Variants in SMARCD1 observed in about 807,000 individuals in gnomAD.
SMARCD1 encodes the protein SWI/SNF related BAF chromatin remodeling complex subunit D1, also known as SWI/SNF-related matrix-associated actin-dependent regulator of chromatin subfamily D member 1.
SMARCD1 carries 16 observed loss-of-function variants against 70.8 expected under a neutral mutation model. The ratio of observed to expected loss-of-function variants is 0.23; its 90% CI spans 0.15 to 0.34. SMARCD1 has a LOEUF of 0.34. Among genes scored for constraint, SMARCD1 ranks in the 10% least tolerant of loss-of-function variants. The probability of loss-of-function intolerance (pLI) is 1.00; values close to 1 mark genes in which losing one functional copy is unlikely to be tolerated. For synonymous variants in SMARCD1, 249 were observed against 246.0 expected, an observed-to-expected ratio of 1.01 and a Z score of -0.11; for missense variants, 409 against 655.5, an observed-to-expected ratio of 0.62 and a Z score of 4.11.
In SMARCD1 at chr12:50,100,312, C is replaced by T. The variant is rs1950928904; in HGVS notation, c.*1312C>T. ...TCTAAACCCACAGAACTGACAAAGC[C>T]CCTGCTTCCCCACCCCCTCCTCAGG... On this transcript the variant is annotated 3_prime_UTR_variant, in exon 13 of 13. Transcript: ENST00000394963. 6.6e-6 allele frequency: 1 copy of T among 152,626 alleles called. No homozygotes were observed. The highest frequency in any genetic ancestry group is 6.5e-5 in the Admixed American group (1 of 15,274). The allele number at this position is 152,626 out of a possible 1,614,324, so 9.5% of individuals were successfully genotyped here.
intron 10 of SMARCD1, among the ~76,000 whole-genome samples, chr12:50,096,017 A>G (rs1340903962): frequency 6.6e-6 from 1 of 152,168 alleles, no homozygotes; most frequent in East Asian, 1.9e-4. Flanking sequence ...GATGGAGAAT[A>G]ATTTGTCAAG....
At chr12:50,094,679 A>G (rs1950876655) in intron 10 of SMARCD1, 107 bp downstream of exon 10, 1 of 1,087,808 alleles carries the variant, frequency 9.2e-7, no homozygotes, top group East Asian at 2.4e-5. Flanking sequence ...CACCCAGTAT[A>G]TGTCAGGTAC....
At chr12:50,096,714 T>C (rs1950896101) in intron 10 of SMARCD1, 136 bp from the exon 11 acceptor site, 2 of 702,460 alleles carry the variant, frequency 2.8e-6, no homozygotes, top group Admixed American at 2.8e-5. Context: ...CAGTTGGAGC[T>C]CTATATGATG....
intron 4 of SMARCD1, 116 bp from the exon 5 acceptor site, chr12:50,087,247 G>A: frequency 2.4e-6 from 3 of 1,248,766 alleles, no homozygotes; most frequent in Non-Finnish European, 3.4e-6. Context: ...CCACCCAAGG[G>A]ACTGGGTAGA....
rs1168491514 is a variant in SMARCD1, at chr12:50,086,006, A to G, written c.178-155A>G. 6.3e-6 allele frequency: 3 copies of G among 475,926 alleles called. No individual in the cohort carries two copies. The Admixed American group carries it at 1.1e-4, about 18-fold the overall frequency. The allele number at this position is 475,926 out of a possible 1,614,324, so 29.5% of individuals were successfully genotyped here. The stretch of plus-strand genomic sequence containing the variant: ...GCTTTTGGACTCTGTTTTTCTATGG[A>G]GTCACTACTGGAGCAAAGGGTTCTC... On this transcript the variant is annotated intron_variant, in intron 1 of 12. Transcript: ENST00000394963.
intron 5 of SMARCD1, chr12:50,088,176 T>C (rs1950808841): frequency 1.5e-6 from 1 of 689,652 alleles, no homozygotes; most frequent in Middle Eastern, 2.3e-4. Flanking sequence ...TTCTGGCTGC[T>C]TATTGCCTGT....
Position 50,094,483 on chromosome 12 carries a change from G to C in SMARCD1, c.1180G>C (p.Val394Leu). 6.2e-7 allele frequency: 1 copy of C among 1,613,988 alleles called. No individual in the cohort carries two copies. Among genetic ancestry groups the C allele is most frequent in the African/African-American group, 1.3e-5 (1 of 75,024 alleles). ...QKKTACYDID[V>L]EVDDTLKTQM... ...AAAGACAGCTTGTTATGACATTGAT[G>C]TTGAAGTGGATGACACCTTGAAGAC... is the stretch of plus-strand genomic sequence containing the variant. Residue 394 changes from valine (V) to leucine (L), a missense_variant, in exon 10 of 13, where the codon GTT becomes CTT. Coordinates refer to ENST00000394963, the MANE Select transcript of SMARCD1 (RefSeq NM_003076.5).
At position 50,088,706 on chromosome 12, in the gene SMARCD1, T is replaced by C; in HGVS notation, c.771+69T>C. On this transcript the variant is annotated intron_variant, in intron 6 of 12. Transcript: ENST00000394963. ...GATGGACTTGGGAGCCGTATTTTAA[T>C]GTCTAAGGAGATGGGGAGGTATAAA... is the stretch of plus-strand genomic sequence containing the variant. 2.3e-6 allele frequency: 2 copies of C among 852,616 alleles called. 1 individual carries two copies. Among genetic ancestry groups the C allele is most frequent in the South Asian group, 2.9e-5 (2 of 68,630 alleles). The allele number at this position is 852,616 out of a possible 1,614,324, so 52.8% of individuals were successfully genotyped here.
chr12:50,086,912 G>A, intron 4 of SMARCD1, 34 bp downstream of exon 4: 1 of 1,609,090 alleles, frequency 6.2e-7, no homozygotes, highest in South Asian at 1.1e-5. Context: ...GAGAGCCAAA[G>A]GAGAGGACCC....
intron 9 of SMARCD1, 28 bp downstream of exon 9, chr12:50,090,618 G>A (rs2137884767): frequency 1.3e-6 from 2 of 1,549,644 alleles, no homozygotes; most frequent in Non-Finnish European, 8.9e-7. Flanking sequence ...AGGCAGTGCT[G>A]TGCCGGAGCT....
intron 1 of SMARCD1, 66 bp downstream of exon 1, chr12:50,085,612 A>G (rs1302104732): frequency 5.2e-5 from 29 of 559,822 alleles, no homozygotes; most frequent in Non-Finnish European, 6.0e-5. Flanking sequence ...TGGGAGTGAC[A>G]GGGGTGGGGG....
Position 50,085,363 on chromosome 12 carries a change from C to T in SMARCD1, c.-7C>T. On this transcript the variant is annotated 5_prime_UTR_variant, in exon 1 of 13. Transcript: ENST00000394963. Reference sequence around the variant, plus strand: ...CTTTGTGCGGCTGCATCGGCGGCTCCGGGAAGATGGCGGCCCGGGCGGGTT... The same window carrying T: ...CTTTGTGCGGCTGCATCGGCGGCTCTGGGAAGATGGCGGCCCGGGCGGGTT... The T allele has an allele frequency of 1.6e-6, 2 of 1,263,774 alleles. No individual in the cohort carries two copies. The highest frequency in any genetic ancestry group is 2.0e-6 in the Non-Finnish European group (2 of 1,006,756). 78.3% of individuals were successfully genotyped at this position (1,263,774 alleles called of 1,614,324 possible).
Position 50,094,417 on chromosome 12 carries a change from T to G in SMARCD1, c.1134-20T>G, listed in dbSNP as rs746795769. 3.1e-6 allele frequency: 5 copies of G among 1,610,828 alleles called. No individual in the cohort carries two copies. Among genetic ancestry groups the G allele is most frequent in the Middle Eastern group, 1.7e-4 (1 of 6,060 alleles). On this transcript the variant is annotated intron_variant, in intron 9 of 12. Coordinates refer to ENST00000394963, the MANE Select transcript of SMARCD1 (RefSeq NM_003076.5). ...TTAGGGGACAAGCTCTTTACCAGGC[T>G]CCTTTGGTTTCCTGTCCAGTGTTGA...
chr12:50,097,149 G>A (rs1007895819), intron 11 of SMARCD1, among the ~76,000 whole-genome samples, 177 bp downstream of exon 11: 1 of 152,232 alleles, frequency 6.6e-6, no homozygotes, highest in Non-Finnish European at 1.5e-5. Context: ...GCCATCAAGT[G>A]TTGATTTAGT....
chr12:50,086,776 A>G lies in SMARCD1; in HGVS notation c.429A>G (p.Glu143=). 1.9e-6 allele frequency: 3 copies of G among 1,614,170 alleles called. No homozygotes were observed. Among genetic ancestry groups the G allele is most frequent in the Non-Finnish European group, 2.5e-6 (3 of 1,180,022 alleles). ...CTAAGATTCGTGAACTGGTACCAGA[A>G]TCCCAGGCCTATATGGATCTCTTGG... The part of the protein sequence containing the change: ...LPQRIRELVP[E]SQAYMDLLAF... The change falls in exon 4 of 13, where the codon GAA becomes GAG. Residue 143 remains glutamate (E), a synonymous_variant. Transcript: ENST00000394963.
chr12:50,089,457 A>G (rs1950821528), intron 6 of SMARCD1: 1 of 160,004 alleles, frequency 6.2e-6, no homozygotes, highest in Admixed American at 6.0e-5. Context: ...GACCTAGGCA[A>G]GTTACTTTAT....
Position 50,094,957 on chromosome 12 carries a change from C to G in SMARCD1, c.1269+385C>G, listed in dbSNP as rs2137897541. ...GGATTACAGTCACCCACCATCACAC[C>G]CGGCTGATTTTTGTATTTTTAGTAG... On this transcript the variant is annotated intron_variant, in intron 10 of 12. Coordinates refer to ENST00000394963, the MANE Select transcript of SMARCD1 (RefSeq NM_003076.5). Among the ~76,000 whole-genome samples the G allele has an allele frequency of 1.3e-5, 2 of 152,274 alleles. 1 individual carries two copies. Among genetic ancestry groups the G allele is most frequent in the Middle Eastern group, 6.8e-3 (2 of 294 alleles).
At chr12:50,086,052 A>C (rs1198126420) in intron 1 of SMARCD1, 109 bp from the exon 2 acceptor site, 7 of 804,226 alleles carry the variant, frequency 8.7e-6, no homozygotes, top group Non-Finnish European at 1.1e-5. Flanking sequence ...CCTCCATTCC[A>C]TCCCTAAACC....
chr12:50,086,685 T>C, intron 3 of SMARCD1, 22 bp downstream of exon 3: 2 of 1,613,946 alleles, frequency 1.2e-6, no homozygotes. Flanking sequence ...CTATATGTCT[T>C]CTGGAAAGTG....
Sources: allele counts gnomAD v4.1 joint callset (sites outside exome capture counted in the v4.1 genomes callset), GRCh38; gene constraint gnomAD v4.1.1; transcripts MANE v1.5; gene names NCBI Gene and HGNC (gene_info 2026-07-23, HGNC 2026-07-21).